The following AUTS2 variants were observed in gnomAD, a reference collection of about 807,000 sequenced individuals.
AUTS2 encodes the protein autism susceptibility gene 2 protein.
A neutral mutation model predicts 112.4 loss-of-function variants in AUTS2; 17 were observed. That is an observed-to-expected ratio of 0.15 (90% confidence interval 0.10 to 0.23). The LOEUF is 0.23. AUTS2 is among the 10% of genes least tolerant of loss of function. The pLI, the probability that AUTS2 is intolerant of heterozygous loss-of-function variation, is 1.00. For synonymous variants in AUTS2, 751 were observed against 702.7 expected (o/e 1.07, Z -1.09); for missense variants, 1,510 against 1,701.6 (o/e 0.89, Z 1.98).
chr7:69,885,957 A>G lies in AUTS2; in HGVS notation c.310-13329A>G, dbSNP rs1409652607. 2.0e-5 allele frequency among the ~76,000 whole-genome samples: 3 copies of G among 152,254 alleles called. No individual in the cohort carries two copies. In the East Asian group the frequency reaches 5.8e-4, roughly 29 times the overall value. ...AGAGCTTGAAGAGTACGTATACATA[A>G]GAGAAGTCTCACAGAGATATTTGAA... On this transcript the variant is annotated intron_variant, in intron 1 of 18. Coordinates refer to ENST00000342771, the MANE Select transcript of AUTS2 (RefSeq NM_015570.4).
chr7:69,828,226 A>T (rs1457703092), intron 1 of AUTS2, among the ~76,000 whole-genome samples: 1 of 152,204 alleles, frequency 6.6e-6, no homozygotes, highest in Non-Finnish European at 1.5e-5. Context: ...TGATGGGCTT[A>T]GGAAGGTCCA....
At chr7:70,668,957 A>G (rs770125392) in intron 5 of AUTS2, among the ~76,000 whole-genome samples, 2 of 152,038 alleles carry the variant, frequency 1.3e-5, no homozygotes, top group African/African-American at 2.4e-5. Flanking sequence ...CTCTATGGCA[A>G]TCCCTTACAG....
chr7:70,373,209 C>G (rs1792922353), intron 4 of AUTS2, among the ~76,000 whole-genome samples: 1 of 151,390 alleles, frequency 6.6e-6, no homozygotes, highest in Admixed American at 6.6e-5. Flanking sequence ...GACAGAAGAG[C>G]AGACACAACT....
At chr7:69,872,445 G>T (rs2129535977) in intron 1 of AUTS2, among the ~76,000 whole-genome samples, 2 of 152,294 alleles carry the variant, frequency 1.3e-5, no homozygotes, top group South Asian at 4.1e-4. Context: ...GTGTCTGAAT[G>T]TGAACCTGAA....
intron 5 of AUTS2, among the ~76,000 whole-genome samples, chr7:70,475,004 A>T (rs1003729340): frequency 4.6e-5 from 7 of 152,080 alleles, no homozygotes; most frequent in African/African-American, 1.4e-4. Flanking sequence ...TGACATTTAT[A>T]TCTGCTTTTT....
At chr7:70,166,060 C>G (rs567435021) in intron 4 of AUTS2, among the ~76,000 whole-genome samples, 1 of 152,208 alleles carries the variant, frequency 6.6e-6, no homozygotes. Flanking sequence ...GCTTGTTTCC[C>G]CTTCACCTTC....
chr7:69,813,110 A>G (rs922517905), intron 1 of AUTS2, among the ~76,000 whole-genome samples: 2 of 151,978 alleles, frequency 1.3e-5, no homozygotes, highest in African/African-American at 4.8e-5. Flanking sequence ...CCCATCTCCT[A>G]CTATCCCCTT....
At chr7:70,617,901 A>C (rs962147877) in intron 5 of AUTS2, among the ~76,000 whole-genome samples, 3 of 152,138 alleles carry the variant, frequency 2.0e-5, no homozygotes, top group African/African-American at 7.2e-5. Flanking sequence ...CAACAGAAAG[A>C]ATTTTCCTCA....
At chr7:69,729,194 A>G (rs143549654) in intron 1 of AUTS2, among the ~76,000 whole-genome samples, 1 of 152,216 alleles carries the variant, frequency 6.6e-6, no homozygotes, top group Non-Finnish European at 1.5e-5. Context: ...ATATATATAC[A>G]TATATAATAC....
intron 10 of AUTS2, among the ~76,000 whole-genome samples, chr7:70,768,330 G>A (rs1400584119): frequency 2.6e-5 from 4 of 152,200 alleles, no homozygotes; most frequent in African/African-American, 9.7e-5. Context: ...CATCTGTCCT[G>A]CAAAGTGAGA....
At chr7:69,951,099 C>A (rs12698821) in intron 2 of AUTS2, among the ~76,000 whole-genome samples, 14,313 of 151,972 alleles carry the variant, frequency 0.094, 722 homozygotes, top group Admixed American at 0.12. Flanking sequence ...TTTTTATTTC[C>A]AACAGTGATT....
intron 4 of AUTS2, among the ~76,000 whole-genome samples, chr7:70,308,700 A>G (rs1199533438): frequency 6.6e-6 from 1 of 152,202 alleles, no homozygotes; most frequent in Non-Finnish European, 1.5e-5. Flanking sequence ...ATGCTTTAGA[A>G]CAGTAGTTCT....
At chr7:69,812,434 A>G (rs569522399) in intron 1 of AUTS2, among the ~76,000 whole-genome samples, 2 of 152,332 alleles carry the variant, frequency 1.3e-5, no homozygotes, top group South Asian at 4.1e-4. Flanking sequence ...ATTACACTGC[A>G]TGATAAATTT....
intron 4 of AUTS2, among the ~76,000 whole-genome samples, chr7:70,289,727 C>A (rs1562854229): frequency 6.6e-6 from 1 of 152,156 alleles, no homozygotes; most frequent in Non-Finnish European, 1.5e-5. Flanking sequence ...GGCTTCCCTT[C>A]TAGTTCATTC....
chr7:70,724,612 A>AT (rs1285012139), intron 6 of AUTS2, among the ~76,000 whole-genome samples: 2 of 151,366 alleles, frequency 1.3e-5, no homozygotes, highest in Non-Finnish European at 2.9e-5. Context: ...CGCCCGGCTA[A>AT]TTTTTTTATT....
At chr7:70,158,814 A>G (rs929536250) in intron 4 of AUTS2, among the ~76,000 whole-genome samples, 4 of 152,150 alleles carry the variant, frequency 2.6e-5, no homozygotes, top group Admixed American at 2.0e-4. Flanking sequence ...TAGCTGGAGG[A>G]CTATAGAGCT....
intron 5 of AUTS2, among the ~76,000 whole-genome samples, chr7:70,506,081 G>A (rs960401001): frequency 2.0e-5 from 3 of 152,186 alleles, no homozygotes; most frequent in Non-Finnish European, 4.4e-5. Flanking sequence ...GGGGAGCCAC[G>A]TGATCCCAGG....
intron 5 of AUTS2, among the ~76,000 whole-genome samples, chr7:70,683,720 T>C (rs1401270898): frequency 6.6e-6 from 1 of 152,250 alleles, no homozygotes; most frequent in Non-Finnish European, 1.5e-5. Context: ...GGCGGGTCTT[T>C]GTAGGCACAC....
At chr7:70,230,470 C>A (rs759016394) in intron 4 of AUTS2, among the ~76,000 whole-genome samples, 239 of 152,304 alleles carry the variant, frequency 1.6e-3, no homozygotes, top group Non-Finnish European at 2.8e-3. Context: ...TGTATCTAAA[C>A]ACTTAGAACC....
Sources: gnomAD v4.1 joint callset for allele counts (sites outside exome capture counted in the v4.1 genomes callset) on GRCh38, gnomAD v4.1.1 for gene constraint, MANE v1.5 for transcripts, NCBI Gene and HGNC (gene_info 2026-07-23, HGNC 2026-07-21) for gene names.